The following RAB3GAP1 variants were observed in gnomAD, a reference collection of about 807,000 sequenced individuals.
The protein encoded by RAB3GAP1 is RAB3 GTPase activating protein catalytic subunit 1.
Under a neutral mutation model 130.7 loss-of-function variants are expected in RAB3GAP1, and 86 were observed. The ratio of observed to expected loss-of-function variants is 0.66; its 90% confidence interval spans 0.55 to 0.79. RAB3GAP1 has a LOEUF of 0.79. RAB3GAP1 is among the 30% of genes least tolerant of loss of function. The pLI is 0.00. For synonymous variants in RAB3GAP1, 367 were observed against 401.7 expected (o/e 0.91, Z 1.03); for missense variants, 1,029 against 1,169.4 (o/e 0.88, Z 1.75).
At chr2:135,080,738 A>G (rs543759990) in intron 3 of RAB3GAP1, among the ~76,000 whole-genome samples, 1 of 152,210 alleles carries the variant, frequency 6.6e-6, no homozygotes, top group Admixed American at 6.5e-5. Context: ...TCTCTGGTTG[A>G]ATTGTGGTTC....
intron 16 of RAB3GAP1, 86 bp downstream of exon 16, chr2:135,135,405 T>C: frequency 6.9e-7 from 1 of 1,447,044 alleles, no homozygotes. Flanking sequence ...GGTTACATGC[T>C]GTTCTCATGG....
intron 19 of RAB3GAP1, 49 bp from the exon 20 acceptor site, chr2:135,162,506 A>G: frequency 6.9e-7 from 1 of 1,451,898 alleles, no homozygotes; most frequent in South Asian, 1.2e-5. Context: ...TGGCTGCTTC[A>G]TCCTTTGACA....
At chr2:135,098,175 A>T (rs745837661) in intron 5 of RAB3GAP1, among the ~76,000 whole-genome samples, 28 of 151,942 alleles carry the variant, frequency 1.8e-4, no homozygotes, top group Non-Finnish European at 3.7e-4. Context: ...TCTTTTGCAC[A>T]TGTTTTAATT....
chr2:135,127,851 G>A (rs1691403210), intron 11 of RAB3GAP1, among the ~76,000 whole-genome samples: 1 of 152,012 alleles, frequency 6.6e-6, no homozygotes, highest in African/African-American at 2.4e-5. Flanking sequence ...CTTATGTCTG[G>A]GATTCGTCCC....
intron 17 of RAB3GAP1, among the ~76,000 whole-genome samples, chr2:135,140,895 T>C (rs1448396529): frequency 6.6e-6 from 1 of 152,202 alleles, no homozygotes; most frequent in Admixed American, 6.5e-5. Flanking sequence ...AGGGCCAACT[T>C]TCAAGCAGGC....
At chr2:135,164,932 A>G (rs1476454784) in intron 23 of RAB3GAP1, among the ~76,000 whole-genome samples, 1 of 152,188 alleles carries the variant, frequency 6.6e-6, no homozygotes, top group Non-Finnish European at 1.5e-5. Flanking sequence ...AAAAATTAGA[A>G]GAGTCCAAAA....
At chr2:135,173,262 T>A (rs115113008), downstream of RAB3GAP1, among the ~76,000 whole-genome samples, 1,509 of 151,688 alleles carry the variant, frequency 9.9e-3, 23 homozygotes, top group African/African-American at 0.035. Context: ...TTGGGAAACA[T>A]AGATAGTACT....
chr2:135,089,667 G>A (rs1196551251), intron 3 of RAB3GAP1: 5 of 182,650 alleles, frequency 2.7e-5, no homozygotes, highest in East Asian at 1.8e-4. Flanking sequence ...TCACAACAGC[G>A]AAGACTTGAA....
intron 7 of RAB3GAP1, among the ~76,000 whole-genome samples, chr2:135,117,450 T>TCTTCTTCTG (rs1553445221): frequency 1.6e-4 from 14 of 88,132 alleles, no homozygotes; most frequent in East Asian, 8.3e-4. Context: ...TTCTTCTTCT[T>TCTTCTTCTG]CTTCTGCTTC....
At chr2:135,075,934 C>T (rs1249132636) in intron 3 of RAB3GAP1, among the ~76,000 whole-genome samples, 9 of 128,602 alleles carry the variant, frequency 7.0e-5, no homozygotes, top group East Asian at 2.2e-4. Flanking sequence ...TTTTTTGAGA[C>T]GGGGTCTCAC....
chr2:135,135,186 A>G (rs2104950371), intron 15 of RAB3GAP1, 79 bp from the exon 16 acceptor site: 2 of 1,129,404 alleles, frequency 1.8e-6, no homozygotes, highest in East Asian at 2.4e-5. Context: ...GCTAAAAATT[A>G]TGGTAGTATA....
intron 3 of RAB3GAP1, among the ~76,000 whole-genome samples, chr2:135,063,397 G>A (rs1440452606): frequency 1.3e-5 from 2 of 151,922 alleles, no homozygotes; most frequent in Non-Finnish European, 1.5e-5. Flanking sequence ...TCACATTATT[G>A]TGCAATCATT....
chr2:135,081,327 A>AATATATATATATATAT (rs1214688390), intron 3 of RAB3GAP1, among the ~76,000 whole-genome samples: 14 of 64,040 alleles, frequency 2.2e-4, no homozygotes, highest in East Asian at 1.1e-3. Flanking sequence ...AAAAAAAAAA[A>AATATATATATATATAT]ATATATATAT....
chr2:135,086,574 T>C (rs1689989767), intron 3 of RAB3GAP1, among the ~76,000 whole-genome samples: 1 of 151,962 alleles, frequency 6.6e-6, no homozygotes, highest in South Asian at 2.1e-4. Flanking sequence ...GATTGTTCAT[T>C]TTTTTTATTA....
chr2:135,076,737 C>T (rs988480209), intron 3 of RAB3GAP1, among the ~76,000 whole-genome samples: 2 of 152,160 alleles, frequency 1.3e-5, no homozygotes, highest in Admixed American at 6.5e-5. Flanking sequence ...CATTGTTGTG[C>T]AATCATTACC....
At chr2:135,098,882 G>A (rs1055709403) in intron 5 of RAB3GAP1, among the ~76,000 whole-genome samples, 2 of 152,062 alleles carry the variant, frequency 1.3e-5, no homozygotes, top group Non-Finnish European at 2.9e-5. Context: ...GGTTAACCTT[G>A]TATCCTGTAA....
intron 5 of RAB3GAP1, among the ~76,000 whole-genome samples, chr2:135,099,431 CTGTGTGTGTGTGTG>C (rs141856311): frequency 7.0e-6 from 1 of 142,492 alleles, no homozygotes; most frequent in Non-Finnish European, 1.6e-5. Flanking sequence ...ATTTGTATTT[CTGTGTGTGTGTGTG>C]TGTGTGTGTG....
rs1185303684 is a variant in RAB3GAP1, at chr2:135,168,917, G to A, written c.*136G>A. On this transcript the variant is annotated 3_prime_UTR_variant, in exon 24 of 24. Transcript: ENST00000264158. ...GGTGATCAGGAATCAAACCAGCATC[G>A]GAAAGACTTCCCAGCACCAAGCTTG... 6 of 791,560 alleles carry A rather than the reference G, an allele frequency of 7.6e-6. No individual in the cohort carries two copies. Among genetic ancestry groups the A allele is most frequent in the East Asian group, 2.5e-5 (1 of 39,762 alleles). The allele number at this position is 791,560 out of a possible 1,614,324, so 49.0% of individuals were successfully genotyped here. A position where few individuals can be genotyped will look rare whatever the true frequency, so the allele number is the denominator to read the frequency against.
intron 7 of RAB3GAP1, among the ~76,000 whole-genome samples, chr2:135,117,435 T>G (rs372973195): frequency 1.6e-5 from 2 of 128,942 alleles, no homozygotes; most frequent in Non-Finnish European, 3.4e-5. Context: ...TTCTTCTTCT[T>G]CTTCTTCTTC....
Sources: gnomAD v4.1 joint callset for allele counts (sites outside exome capture counted in the v4.1 genomes callset) on GRCh38, gnomAD v4.1.1 for gene constraint, MANE v1.5 for transcripts, NCBI Gene and HGNC (gene_info 2026-07-23, HGNC 2026-07-21) for gene names.